Variants in FNDC1 observed in about 807,000 individuals in gnomAD.
FNDC1 encodes fibronectin type III domain-containing protein 1.
Under a neutral mutation model 168.0 loss-of-function variants are expected in FNDC1, and 96 were observed. That is an observed-to-expected ratio of 0.57 (90% CI 0.48 to 0.68). The LOEUF is 0.68. Among genes scored for constraint, FNDC1 ranks in the 30% least tolerant of loss-of-function variants. The pLI is 0.00. For synonymous variants in FNDC1, 1,099 were observed against 1,025.9 expected (o/e 1.07, Z -1.36); for missense variants, 2,587 against 2,482.1 (o/e 1.04, Z -0.90).
At position 159,226,508 on chromosome 6, in the gene FNDC1, CCAGT is replaced by C; in HGVS notation, c.1111_1114del (p.Val371MetfsTer21). On this transcript the variant is annotated frameshift_variant, in exon 9 of 23. Transcript: ENST00000297267. LOFTEE classifies it high-confidence loss of function. ...AGCTCCTGAAAACTTGAACGTCTGGCCAGTCAATGGCAAACCTACAGTTGTCGCT... is the reference window on the plus strand; with the variant it reads ...AGCTCCTGAAAACTTGAACGTCTGGCCAATGGCAAACCTACAGTTGTCGCT... 6.2e-7 allele frequency: 1 copy of C among 1,612,260 alleles called. No individual in the cohort carries two copies. Among genetic ancestry groups the C allele is most frequent in the Non-Finnish European group, 8.5e-7 (1 of 1,179,216 alleles).
At chr6:159,234,606 C>T in intron 11 of FNDC1, 127 bp downstream of exon 11, 1 of 867,676 alleles carries the variant, frequency 1.2e-6, no homozygotes, top group African/African-American at 1.7e-5. Flanking sequence ...GAGCTTTGCA[C>T]ATGTGACATA....
At chr6:159,198,838 C>A (rs1042868748) in intron 2 of FNDC1, among the ~76,000 whole-genome samples, 6 of 152,132 alleles carry the variant, frequency 3.9e-5, no homozygotes, top group African/African-American at 7.2e-5. Context: ...TCTGGCGAAG[C>A]ATGATTTTGC....
rs756950870 is a variant in FNDC1 at position 159,246,909 on chromosome 6, T to C, written c.4630T>C (p.Ser1544Pro). ...PECYAEEDEF[S>P]GLETDTAVPT... ...TTCTCTGTCCTCACTAGATGAGTTC[T>C]CAGGCTTGGAGACTGACACTGCAGT... The change falls in exon 15 of 23, where the codon TCA becomes CCA. Residue 1544 changes from serine (S) to proline (P), a missense_variant. Transcript: ENST00000297267. The C allele has an allele frequency of 6.2e-7, 1 of 1,612,002 alleles. No homozygotes were observed. Among genetic ancestry groups the C allele is most frequent in the Non-Finnish European group, 8.5e-7 (1 of 1,178,066 alleles).
Position 159,271,625 on chromosome 6 carries a change from G to A in FNDC1, c.*183G>A. ...GAACTCAGTCCCACTTCTTGGCCTG[G>A]ACAATGAACAGGATTCAGTTTTGCT... On this transcript the variant is annotated 3_prime_UTR_variant, in exon 23 of 23. Coordinates refer to ENST00000297267, the MANE Select transcript of FNDC1 (RefSeq NM_032532.3). 1 of 547,296 alleles carries A rather than the reference G, an allele frequency of 1.8e-6. No individual in the cohort carries two copies. The highest frequency in any genetic ancestry group is 3.3e-6 in the Non-Finnish European group (1 of 300,442). The allele number at this position is 547,296 out of a possible 1,614,324, so 33.9% of individuals were successfully genotyped here.
At position 159,229,842 on chromosome 6, in the gene FNDC1, T is replaced by C. The variant is rs2114986087; in HGVS notation, c.1208T>C (p.Leu403Pro). ...KEYILSYAPA[L>P]KPFGAKSLTY... ...TACATTCTTTCATACGCCCCGGCTC[T>C]CAAACCATTTGGAGCAAAGTCCCTC... The change falls in exon 10 of 23, where the codon CTC (leucine) becomes CCC (proline). Residue 403 changes from leucine (L) to proline (P), a missense_variant. Transcript: ENST00000297267. The C allele has an allele frequency of 6.2e-7, 1 of 1,613,306 alleles. No individual in the cohort carries two copies. The highest frequency in any genetic ancestry group is 2.2e-5 in the East Asian group (1 of 44,866).
chr6:159,212,148 G>T (rs1782618765), intron 4 of FNDC1, among the ~76,000 whole-genome samples: 1 of 152,198 alleles, frequency 6.6e-6, no homozygotes, highest in Non-Finnish European at 1.5e-5. Flanking sequence ...GTTGCCGCAG[G>T]TCTTCTGTTA....
In FNDC1 at chr6:159,221,679, C is replaced by A; in HGVS notation, c.749C>A (p.Thr250Lys). The change falls in exon 6 of 23, where the codon ACA (threonine) becomes AAA (lysine). Residue 250 changes from threonine to lysine, a missense_variant. Transcript: ENST00000297267. Reference sequence around the variant, plus strand: ...CAACCAGTCTACAGGGCTGCCCTAACAAAGCGAAAGATTTCAGGTATGTTT... The same window carrying A: ...CAACCAGTCTACAGGGCTGCCCTAAAAAAGCGAAAGATTTCAGGTATGTTT... The part of the protein sequence containing the change: ...RSQPVYRAAL[T>K]KRKISEEDEL... 2 of 1,613,878 alleles carry A rather than the reference C, an allele frequency of 1.2e-6. No homozygotes were observed. Among genetic ancestry groups the A allele is most frequent in the Non-Finnish European group, 1.7e-6 (2 of 1,179,754 alleles).
chr6:159,260,106 T>A (rs1242762012), intron 18 of FNDC1, among the ~76,000 whole-genome samples: 1 of 152,260 alleles, frequency 6.6e-6, no homozygotes, highest in Non-Finnish European at 1.5e-5. Context: ...CATTTAAGTG[T>A]GACATTCTTA....
intron 14 of FNDC1, among the ~76,000 whole-genome samples, 198 bp from the exon 15 acceptor site, chr6:159,246,703 C>T (rs540985522): frequency 2.0e-5 from 3 of 152,148 alleles, no homozygotes; most frequent in African/African-American, 7.2e-5. Context: ...TTTCCTGGGC[C>T]CAAAGGAGAG....
rs534803404 is a variant in FNDC1 at position 159,269,324 on chromosome 6, A to ACTATCTATCTAT, written c.5569+1408_5569+1419dup. On this transcript the variant is annotated intron_variant, in intron 22 of 22. Coordinates refer to ENST00000297267, the MANE Select transcript of FNDC1 (RefSeq NM_032532.3). ...TCCATCTATCCTATCTATTTATCTAACTATCTATCTATCTATCTATCCATT... is the reference window on the plus strand; with the variant it reads ...TCCATCTATCCTATCTATTTATCTAACTATCTATCTATCTATCTATCTATCTATCTATCCATT... Among the ~76,000 whole-genome samples, 64 of 40,498 alleles carry ACTATCTATCTAT rather than the reference A, an allele frequency of 1.6e-3. 14 individuals carry two copies. Among genetic ancestry groups the ACTATCTATCTAT allele is most frequent in the Non-Finnish European group, 2.8e-3 (44 of 15,578 alleles). 26.6% of individuals were successfully genotyped at this position (40,498 alleles called of 152,430 possible).
chr6:159,217,851 G>A (rs879592524), intron 5 of FNDC1, among the ~76,000 whole-genome samples: 5 of 152,300 alleles, frequency 3.3e-5, no homozygotes, highest in East Asian at 3.9e-4. Context: ...AAACTCTAGA[G>A]TGATGTGCTT....
intron 9 of FNDC1, among the ~76,000 whole-genome samples, chr6:159,228,035 CT>C (rs11333847): frequency 0.38 from 58,285 of 151,638 alleles, 14,315 homozygotes; most frequent in East Asian, 0.73. Flanking sequence ...TGAATAAAGA[CT>C]TTTTTTTTGC....
chr6:159,172,810 A>G (rs1434658600), intron 1 of FNDC1, among the ~76,000 whole-genome samples: 1 of 152,242 alleles, frequency 6.6e-6, no homozygotes, highest in Non-Finnish European at 1.5e-5. Flanking sequence ...CAAAAAGGCT[A>G]TTGAAATAGT....
intron 1 of FNDC1, among the ~76,000 whole-genome samples, chr6:159,179,540 C>T (rs1024970588): frequency 1.3e-5 from 2 of 152,348 alleles, no homozygotes; most frequent in Middle Eastern, 3.4e-3. Flanking sequence ...TCTCAAGAGG[C>T]CTTCTGGACT....
chr6:159,239,826 C>G lies in FNDC1; in HGVS notation c.4490C>G (p.Thr1497Arg), dbSNP rs780525338. 13 of 1,546,434 alleles carry G rather than the reference C, an allele frequency of 8.4e-6. No individual in the cohort carries two copies. Among genetic ancestry groups the G allele is most frequent in the Middle Eastern group, 1.7e-4 (1 of 5,962 alleles). ...ACCACAGTCCGAACCACTACGCGGA[C>G]AACCACCACCACCACCCCCACACCC... ...PTTTVRTTTR[T>R]TTTTTPTPTT... Residue 1497 changes from threonine to arginine, a missense_variant, in exon 14 of 23, where the codon ACA (threonine) becomes AGA (arginine). Transcript: ENST00000297267.
At chr6:159,263,526 G>A (rs1777532196) in intron 19 of FNDC1, among the ~76,000 whole-genome samples, 1 of 152,162 alleles carries the variant, frequency 6.6e-6, no homozygotes, top group African/African-American at 2.4e-5. Context: ...ACTTTGGGAG[G>A]CCGAGTCAGG....
At chr6:159,250,860 C>G (rs1432753155) in intron 16 of FNDC1, among the ~76,000 whole-genome samples, 4 of 152,268 alleles carry the variant, frequency 2.6e-5, no homozygotes, top group Admixed American at 2.6e-4. Context: ...AAGCTAAAGG[C>G]TGCATATCTT....
chr6:159,229,307 T>C (rs1228563594), intron 9 of FNDC1, among the ~76,000 whole-genome samples: 3 of 152,230 alleles, frequency 2.0e-5, no homozygotes, highest in Non-Finnish European at 1.5e-5. Context: ...TTATAATTCC[T>C]ACAAAAATGA....
chr6:159,215,099 G>A lies in FNDC1; in HGVS notation c.615G>A (p.Met205Ile). Residue 205 changes from methionine to isoleucine, a missense_variant, in exon 5 of 23, where the codon ATG becomes ATA. By Grantham distance (10) the Met-to-Ile change is conservative. Coordinates refer to ENST00000297267, the MANE Select transcript of FNDC1 (RefSeq NM_032532.3). ...LLGYGESGRK[M>I]NYVPLTRDER... ...GCTACGGGGAGAGTGGCCGGAAGAT[G>A]AATTATGTTCCACTGACAAGAGATG... is the stretch of plus-strand genomic sequence containing the variant. The A allele has an allele frequency of 6.2e-7, 1 of 1,614,040 alleles. No homozygotes were observed.
Sources: allele counts gnomAD v4.1 joint callset (sites outside exome capture counted in the v4.1 genomes callset), GRCh38; gene constraint gnomAD v4.1.1; transcripts MANE v1.5; gene names NCBI Gene and HGNC (gene_info 2026-07-23, HGNC 2026-07-21).